ANKRD18B: variants seen among roughly 807,000 people sequenced by gnomAD.
The protein encoded by ANKRD18B is ankyrin repeat domain 18B.
A neutral mutation model predicts 111.8 loss-of-function variants in ANKRD18B; 75 were observed. The ratio of observed to expected loss-of-function variants is 0.67; its 90% CI spans 0.56 to 0.81. ANKRD18B has a LOEUF of 0.81. ANKRD18B is among the 40% of genes least tolerant of loss of function. ANKRD18B has a pLI of 0.00. For synonymous variants in ANKRD18B, 356 were observed against 417.3 expected, an observed-to-expected ratio of 0.85 and a Z score of 1.79; for missense variants, 1,038 against 1,225.5, an observed-to-expected ratio of 0.85 and a Z score of 2.28.
chr9:33,557,995 T>C, intron 13 of ANKRD18B, 63 bp from the exon 14 acceptor site: 1 of 1,392,522 alleles, frequency 7.2e-7, no homozygotes, highest in Non-Finnish European at 9.7e-7. Flanking sequence ...AGTATCTGTT[T>C]AAACAATTAT....
intron 5 of ANKRD18B, 145 bp from the exon 6 acceptor site, chr9:33,536,733 G>A: frequency 2.2e-6 from 1 of 464,596 alleles, no homozygotes; most frequent in Non-Finnish European, 3.6e-6. Flanking sequence ...AGTTTATAGA[G>A]CTTAAAATTT....
At chr9:33,565,320 T>C (rs1265442750) in intron 14 of ANKRD18B, among the ~76,000 whole-genome samples, 1 of 152,248 alleles carries the variant, frequency 6.6e-6, no homozygotes, top group Non-Finnish European at 1.5e-5. Flanking sequence ...AAGTTGGCTG[T>C]AAATATGTGG....
Position 33,570,456 on chromosome 9 carries a change from G to GAAA in ANKRD18B, c.3178-781_3178-779dup, listed in dbSNP as rs71506123. On this transcript the variant is annotated intron_variant, in intron 17 of 18. Coordinates refer to ENST00000684830, the MANE Select transcript of ANKRD18B (RefSeq NM_001393611.1). ...CCACTTTAATTTAGAATACAAACTAGAAAAAAAAAAAGAAAACTTTACTAT... is the reference window on the plus strand; with the variant it reads ...CCACTTTAATTTAGAATACAAACTAGAAAAAAAAAAAAAAGAAAACTTTACTAT... Among the ~76,000 whole-genome samples, 460 of 145,304 alleles carry GAAA rather than the reference G, an allele frequency of 3.2e-3. 3 individuals carry two copies. Among genetic ancestry groups the GAAA allele is most frequent in the African/African-American group, 0.011 (428 of 39,514 alleles).
At position 33,524,513 on chromosome 9, in the gene ANKRD18B, G is replaced by A; in HGVS notation, c.24G>A (p.Gly8=). Residue 8 remains glycine (G), a synonymous_variant, in exon 1 of 19, where the codon GGG becomes GGA. Transcript: ENST00000684830. MRKLLSF[G]RRLGQALLSS... is the part of the protein sequence containing the mutation. ...CCATGAGGAAGCTCCTCAGTTTTGG[G>A]AGACGCCTGGGCCAGGCGCTCCTGA... 6.4e-7 allele frequency: 1 copy of A among 1,550,686 alleles called. No individual in the cohort carries two copies. The highest frequency in any genetic ancestry group is 1.2e-5 in the South Asian group (1 of 84,000).
In ANKRD18B at chr9:33,548,792, G is replaced by T. The variant is rs1465969621; in HGVS notation, c.2004G>T (p.Met668Ile). ...TAGAAGAAAGAAATAAGGAATTAAT[G>T]AATGAATATAATTATTTAAAAGAAA... ...DLLEERNKELMNEYNYLKEKL... is the reference protein window; with the variant it reads ...DLLEERNKELINEYNYLKEKL... Residue 668 changes from methionine (M) to isoleucine (I), a missense_variant, in exon 11 of 19, where the codon ATG becomes ATT. Physicochemically the swap from Met to Ile is conservative, Grantham distance 10. Transcript: ENST00000684830. 1.3e-6 allele frequency: 2 copies of T among 1,537,900 alleles called. No homozygotes were observed. The highest frequency in any genetic ancestry group is 8.8e-7 in the Non-Finnish European group (1 of 1,141,808).
chr9:33,540,638 G>A (rs1447623995), intron 8 of ANKRD18B, among the ~76,000 whole-genome samples: 2 of 151,928 alleles, frequency 1.3e-5, no homozygotes, highest in Non-Finnish European at 2.9e-5. Context: ...TTCTGTTCAG[G>A]GTATAAAGCT....
chr9:33,546,542 T>C (rs1376140632), intron 10 of ANKRD18B, among the ~76,000 whole-genome samples: 6 of 152,154 alleles, frequency 3.9e-5, no homozygotes, highest in Admixed American at 3.9e-4. Flanking sequence ...CATTATGTTC[T>C]AAAGATAGAC....
rs1425962074 is a variant in ANKRD18B at position 33,548,551 on chromosome 9, G to A, written c.1763G>A (p.Arg588Gln). 7.1e-6 allele frequency: 11 copies of A among 1,550,830 alleles called. No homozygotes were observed. The highest frequency in any genetic ancestry group is 2.4e-5 in the South Asian group (2 of 83,936). Residue 588 changes from arginine (R) to glutamine (Q), a missense_variant, in exon 11 of 19, where the codon CGA becomes CAA. Physicochemically the swap from Arg to Gln is conservative, Grantham distance 43 (BLOSUM62 1). Transcript: ENST00000684830. ...VQLDLKQAQH[R>Q]IKEMKQMHPN... ...CTGGACCTAAAGCAAGCGCAGCATC[G>A]AATAAAGGAAATGAAGCAGATGCAT...
At chr9:33,557,021 C>G (rs547347854) in intron 13 of ANKRD18B, among the ~76,000 whole-genome samples, 1 of 152,036 alleles carries the variant, frequency 6.6e-6, no homozygotes, top group African/African-American at 2.4e-5. Context: ...CTGAACACAG[C>G]TACTTTTCCA....
intron 3 of ANKRD18B, among the ~76,000 whole-genome samples, chr9:33,531,246 T>G (rs1479787572): frequency 1.3e-5 from 2 of 152,030 alleles, no homozygotes; most frequent in East Asian, 1.9e-4. Context: ...GTATTATGAG[T>G]GTTAACAGCA....
intron 10 of ANKRD18B, among the ~76,000 whole-genome samples, chr9:33,545,818 A>T (rs549790638): frequency 6.6e-6 from 1 of 152,224 alleles, no homozygotes; most frequent in African/African-American, 2.4e-5. Context: ...TTCTCTTTTT[A>T]TAAGTTATCT....
At position 33,558,066 on chromosome 9, in the gene ANKRD18B, A is replaced by C. The variant is rs755590334; in HGVS notation, c.2339A>C (p.Lys780Thr). Residue 780 changes from lysine (K) to threonine (T), a missense_variant, in exon 14 of 19, where the codon AAA (lysine) becomes ACA (threonine). Transcript: ENST00000684830. ...ELEEEATGYK[K>T]CLEMTINMLN... ...TTCTTACATTTCTGCAGATATAAGA[A>C]ATGCCTAGAAATGACAATAAATATG... 1 of 1,597,144 alleles carries C rather than the reference A, an allele frequency of 6.3e-7. No homozygotes were observed. Among genetic ancestry groups the C allele is most frequent in the South Asian group, 1.1e-5 (1 of 88,072 alleles).
chr9:33,537,233 G>T (rs1454563587), intron 6 of ANKRD18B, among the ~76,000 whole-genome samples: 1 of 152,094 alleles, frequency 6.6e-6, no homozygotes, highest in Non-Finnish European at 1.5e-5. Context: ...GGAAGTGGAG[G>T]TTGCAGTGAG....
intron 1 of ANKRD18B, 105 bp downstream of exon 1, chr9:33,524,800 A>G: frequency 7.6e-7 from 1 of 1,309,372 alleles, no homozygotes; most frequent in Non-Finnish European, 1.0e-6. Context: ...GGAGCCGCGG[A>G]GCCAAATGGA....
intron 12 of ANKRD18B, among the ~76,000 whole-genome samples, chr9:33,552,375 A>G (rs1002008461): frequency 3.9e-5 from 6 of 152,244 alleles, no homozygotes; most frequent in African/African-American, 7.2e-5. Flanking sequence ...CTGATGAAGG[A>G]CAGCACAGCT....
rs1828433280 is a variant in ANKRD18B, at chr9:33,550,597, C to T, written c.2217+18C>T. On this transcript the variant is annotated intron_variant, in intron 12 of 18. Coordinates refer to ENST00000684830, the MANE Select transcript of ANKRD18B (RefSeq NM_001393611.1). ...AAATTCAAGTATGTATGGAATTTAA[C>T]ATGTAGACAGTTAATCTGTAGCTGG... The T allele has an allele frequency of 1.3e-6, 2 of 1,515,924 alleles. No homozygotes were observed. The highest frequency in any genetic ancestry group is 1.4e-5 in the African/African-American group (1 of 71,718). 93.9% of individuals were successfully genotyped at this position (1,515,924 alleles called of 1,614,324 possible).
In ANKRD18B at chr9:33,541,431, G is replaced by A. The variant is rs570959754; in HGVS notation, c.1078+204G>A. 2.0e-5 allele frequency among the ~76,000 whole-genome samples: 3 copies of A among 152,282 alleles called. No individual in the cohort carries two copies. In the South Asian group the frequency reaches 6.2e-4, roughly 32 times the overall value. On this transcript the variant is annotated intron_variant, in intron 9 of 18. Coordinates refer to ENST00000684830, the MANE Select transcript of ANKRD18B (RefSeq NM_001393611.1). ...TGAAAATATTGGTGTTGCTGGGAAC[G>A]GTGGCTCCTGCCTGTAATGAGTCAG...
chr9:33,551,142 G>A (rs1300841109), intron 12 of ANKRD18B, among the ~76,000 whole-genome samples: 1 of 152,120 alleles, frequency 6.6e-6, no homozygotes, highest in Non-Finnish European at 1.5e-5. Context: ...TATTGTAATG[G>A]CGTAGAAATA....
intron 14 of ANKRD18B, among the ~76,000 whole-genome samples, chr9:33,558,537 G>T (rs3866502): frequency 0.042 from 6,411 of 152,184 alleles, 186 homozygotes; most frequent in South Asian, 0.067. Flanking sequence ...TCATTCATTT[G>T]TATGGCTCCA....
Sources: allele counts gnomAD v4.1 joint callset (sites outside exome capture counted in the v4.1 genomes callset), GRCh38; gene constraint gnomAD v4.1.1; transcripts MANE v1.5; gene names NCBI Gene and HGNC (gene_info 2026-07-23, HGNC 2026-07-21).